Variants in CFAP69 observed in about 807,000 individuals in gnomAD.
The protein encoded by CFAP69 is cilia- and flagella-associated protein 69.
CFAP69 carries 92 observed loss-of-function variants against 123.0 expected under a neutral mutation model. The observed-to-expected ratio is 0.75, with a 90% CI of 0.63 to 0.89. The LOEUF is 0.89. Among genes scored for constraint, CFAP69 ranks in the 40% least tolerant of loss-of-function variants. The pLI is 0.00. For synonymous variants in CFAP69, 380 were observed against 364.3 expected, an observed-to-expected ratio of 1.04 and a Z score of -0.49; for missense variants, 1,067 against 1,096.9, an observed-to-expected ratio of 0.97 and a Z score of 0.39.
chr7:90,297,743 T>C lies in CFAP69; in HGVS notation c.1776-6T>C, dbSNP rs1299799214. On this transcript the variant is annotated splice_region_variant and splice_polypyrimidine_tract_variant and intron_variant, in intron 15 of 22. Coordinates refer to ENST00000389297, the MANE Select transcript of CFAP69 (RefSeq NM_001039706.3). The stretch of plus-strand genomic sequence containing the variant: ...TGTCAAATGAATAACTTTCTTTTAA[T>C]TTAAGGTGCTGTATTTTGGGATGTT... The C allele has an allele frequency of 6.5e-7, 1 of 1,549,076 alleles. No individual in the cohort carries two copies. The highest frequency in any genetic ancestry group is 1.4e-5 in the African/African-American group (1 of 71,070).
At chr7:90,264,812 A>G (rs938982694) in intron 4 of CFAP69, among the ~76,000 whole-genome samples, 1 of 151,084 alleles carries the variant, frequency 6.6e-6, no homozygotes, top group Non-Finnish European at 1.5e-5. Context: ...TTTCTTTTTG[A>G]TGGAGGCTCG....
At chr7:90,323,357 A>T in the CFAP69 span, among the ~76,000 whole-genome samples, 1 of 152,180 alleles carries the variant, frequency 6.6e-6, no homozygotes, top group Non-Finnish European at 1.5e-5. Context: ...AAAGAATCAG[A>T]ATATGGAAAA....
At chr7:90,287,068 G>A (rs114801608) in intron 14 of CFAP69, among the ~76,000 whole-genome samples, 2,843 of 141,406 alleles carry the variant, frequency 0.02, 92 homozygotes, top group East Asian at 0.11. Context: ...CCTAGGTGAC[G>A]CAGTGAGACT....
chr7:90,283,829 A>G (rs1039387640), intron 13 of CFAP69, among the ~76,000 whole-genome samples: 3 of 152,144 alleles, frequency 2.0e-5, no homozygotes, highest in Admixed American at 6.6e-5. Context: ...AAAATCTTCT[A>G]CTTGTTAAAT....
At chr7:90,305,320 G>A (rs376464576) in intron 19 of CFAP69, among the ~76,000 whole-genome samples, 4 of 144,738 alleles carry the variant, frequency 2.8e-5, no homozygotes, top group South Asian at 2.2e-4. Context: ...CAGCCTGGGC[G>A]ACAGAGCGAG....
At chr7:90,277,968 A>G (rs1788855046) in intron 11 of CFAP69, among the ~76,000 whole-genome samples, 1 of 152,150 alleles carries the variant, frequency 6.6e-6, no homozygotes, top group Admixed American at 6.5e-5. Flanking sequence ...AGCTCTGCTC[A>G]CAGGTCTATC....
At chr7:90,307,346 A>T (rs1793754369) in intron 20 of CFAP69, among the ~76,000 whole-genome samples, 1 of 152,242 alleles carries the variant, frequency 6.6e-6, no homozygotes, top group Non-Finnish European at 1.5e-5. Flanking sequence ...ACATATCAAA[A>T]TATCACATGT....
At chr7:90,316,857 C>T in the CFAP69 span, 5 of 152,158 alleles carry the variant, frequency 3.3e-5, no homozygotes, top group East Asian at 1.9e-4. Flanking sequence ...TGTTTATCAT[C>T]GCTGCAATAA....
intron 4 of CFAP69, 51 bp from the exon 5 acceptor site, chr7:90,265,250 A>G (rs750888277): frequency 3.3e-5 from 39 of 1,174,474 alleles, no homozygotes; most frequent in African/African-American, 7.6e-5. Flanking sequence ...TGATGCTTCA[A>G]TTAAAGACTT....
intron 11 of CFAP69, among the ~76,000 whole-genome samples, chr7:90,277,761 G>A (rs565687531): frequency 1.3e-5 from 2 of 152,158 alleles, no homozygotes; most frequent in South Asian, 4.1e-4. Flanking sequence ...CAAACCTAAT[G>A]TCTTTAATCA....
chr7:90,315,977 C>T (rs1235041867), downstream of CFAP69, among the ~76,000 whole-genome samples: 1 of 152,060 alleles, frequency 6.6e-6, no homozygotes, highest in Non-Finnish European at 1.5e-5. Context: ...GCCTATAATC[C>T]CACCTACTTG....
intron 1 of CFAP69, among the ~76,000 whole-genome samples, chr7:90,249,749 T>C (rs1215296042): frequency 1.3e-5 from 2 of 152,204 alleles, no homozygotes; most frequent in African/African-American, 2.4e-5. Context: ...TATTAAAATG[T>C]GGATTCTGAT....
intron 11 of CFAP69, among the ~76,000 whole-genome samples, chr7:90,277,899 T>C (rs886605293): frequency 6.6e-6 from 1 of 152,080 alleles, no homozygotes; most frequent in African/African-American, 2.4e-5. Context: ...CTTAGAAAAA[T>C]TACCTCGTCT....
At chr7:90,290,995 CT>C (rs1240846913) in intron 15 of CFAP69, among the ~76,000 whole-genome samples, 2 of 151,944 alleles carry the variant, frequency 1.3e-5, no homozygotes, top group African/African-American at 2.4e-5. Context: ...AGCTTTAAAC[CT>C]TGATTCCATG....
At chr7:90,272,774 A>G (rs1800147755) in intron 8 of CFAP69, among the ~76,000 whole-genome samples, 1 of 152,022 alleles carries the variant, frequency 6.6e-6, no homozygotes, top group Admixed American at 6.6e-5. Flanking sequence ...GTCTACGATC[A>G]CATCATTTCA....
intron 15 of CFAP69, among the ~76,000 whole-genome samples, chr7:90,294,552 TG>T (rs1791652237): frequency 6.6e-6 from 1 of 152,134 alleles, no homozygotes; most frequent in African/African-American, 2.4e-5. Flanking sequence ...GCCGCCATTG[TG>T]AAAAGAGAAA....
intron 4 of CFAP69, among the ~76,000 whole-genome samples, chr7:90,262,429 A>T (rs1025865637): frequency 6.6e-6 from 1 of 152,156 alleles, no homozygotes; most frequent in Non-Finnish European, 1.5e-5. Context: ...TTTGAGTCTC[A>T]AAGATATATT....
intron 13 of CFAP69, among the ~76,000 whole-genome samples, chr7:90,285,875 G>C (rs144471194): frequency 1.6e-4 from 24 of 152,288 alleles, no homozygotes; most frequent in African/African-American, 5.8e-4. Context: ...TATATGTGAG[G>C]CTATGGATTA....
chr7:90,310,502 T>G lies in CFAP69; in HGVS notation c.*264T>G, dbSNP rs1794219620. ...AAACATAGTACATCAGTTAGGACTC[T>G]GTTGGTTGCATGTGAACTATTCTAA... On this transcript the variant is annotated 3_prime_UTR_variant, in exon 23 of 23. Coordinates refer to ENST00000389297, the MANE Select transcript of CFAP69 (RefSeq NM_001039706.3). The G allele has an allele frequency of 4.9e-6, 1 of 206,050 alleles. No individual in the cohort carries two copies. The highest frequency in any genetic ancestry group is 5.6e-5 in the Admixed American group (1 of 17,836). The allele number at this position is 206,050 out of a possible 1,614,324, so 12.8% of individuals were successfully genotyped here. A position where few individuals can be genotyped will look rare whatever the true frequency, so the allele number is the denominator to read the frequency against.
Sources: allele counts gnomAD v4.1 joint callset (sites outside exome capture counted in the v4.1 genomes callset), GRCh38; gene constraint gnomAD v4.1.1; transcripts MANE v1.5; gene names NCBI Gene and HGNC (gene_info 2026-07-23, HGNC 2026-07-21).